EPHA7: variants seen among roughly 807,000 people sequenced by gnomAD.
EPHA7 encodes the protein EPH receptor A7, also known as ephrin type-A receptor 7.
EPHA7 carries 25 observed loss-of-function variants against 112.6 expected under a neutral mutation model. The ratio of observed to expected loss-of-function variants is 0.22; its 90% confidence interval spans 0.16 to 0.31. The LOEUF is 0.31. EPHA7 is among the 10% of genes least tolerant of loss of function. The pLI, the probability that EPHA7 is intolerant of heterozygous loss-of-function variation, is 1.00. For missense variants in EPHA7, 962 were observed against 1,212.6 expected (o/e 0.79, Z 3.07); for synonymous variants, 437 against 406.5 (o/e 1.07, Z -0.90).
chr6:93,324,048 G>C (rs1774198763), intron 5 of EPHA7, among the ~76,000 whole-genome samples: 1 of 151,444 alleles, frequency 6.6e-6, no homozygotes, highest in Non-Finnish European at 1.5e-5. Flanking sequence ...GGGGCAGACA[G>C]ACTCTTTTGA....
At chr6:93,334,515 A>C (rs1472207077) in intron 5 of EPHA7, among the ~76,000 whole-genome samples, 1 of 152,130 alleles carries the variant, frequency 6.6e-6, no homozygotes, top group Admixed American at 6.6e-5. Flanking sequence ...AATAGCCAGA[A>C]TCTATTAGGA....
chr6:93,254,632 G>T lies in EPHA7; in HGVS notation c.2532+15C>A. ...TGTATTCAATCCTTTTTGTTTAAAT[G>T]AATGTAACACCTACATCTTGATTTG... On this transcript the variant is annotated intron_variant, in intron 14 of 16. Transcript: ENST00000369303. 2 of 1,605,770 alleles carry T rather than the reference G, an allele frequency of 1.2e-6. No individual in the cohort carries two copies.
chr6:93,379,570 T>G (rs1777232641), intron 3 of EPHA7, among the ~76,000 whole-genome samples: 1 of 152,072 alleles, frequency 6.6e-6, no homozygotes, highest in South Asian at 2.1e-4. Flanking sequence ...GAAAAGTGAT[T>G]GTTTTGGAAA....
chr6:93,353,722 TTA>T (rs1390610141), intron 5 of EPHA7, among the ~76,000 whole-genome samples: 2 of 152,150 alleles, frequency 1.3e-5, no homozygotes, highest in Non-Finnish European at 2.9e-5. Context: ...AAGGTAGATA[TTA>T]TTTTATCCCC....
chr6:93,291,767 CAAA>C (rs66483422), intron 5 of EPHA7, among the ~76,000 whole-genome samples: 2 of 71,680 alleles, frequency 2.8e-5, no homozygotes, highest in South Asian at 7.1e-4. Context: ...GACTCCGTCT[CAAA>C]AAAAAAAAAA....
intron 5 of EPHA7, among the ~76,000 whole-genome samples, chr6:93,295,310 T>C (rs1026789012): frequency 6.6e-6 from 1 of 152,012 alleles, no homozygotes. Context: ...GCTATATTTT[T>C]AGTTAATATT....
chr6:93,243,555 T>G lies in EPHA7; in HGVS notation c.2883-15A>C. 1 of 1,574,738 alleles carries G rather than the reference T, an allele frequency of 6.4e-7. No individual in the cohort carries two copies. The highest frequency in any genetic ancestry group is 8.7e-7 in the Non-Finnish European group (1 of 1,144,472). Reference sequence around the variant, plus strand: ...TCATCACATCCCTGAAAAAGACAAATGCACTTTTTATTAGGTACCTTACAA... The same window carrying G: ...TCATCACATCCCTGAAAAAGACAAAGGCACTTTTTATTAGGTACCTTACAA... On this transcript the variant is annotated splice_polypyrimidine_tract_variant and intron_variant, in intron 16 of 16. Transcript: ENST00000369303.
intron 11 of EPHA7, 148 bp downstream of exon 11, chr6:93,257,951 G>A (rs1267381179): frequency 5.6e-6 from 4 of 717,210 alleles, no homozygotes. Flanking sequence ...TAACATAAAG[G>A]AAGAATTTTT....
intron 14 of EPHA7, among the ~76,000 whole-genome samples, chr6:93,249,344 T>C (rs1770104369): frequency 6.6e-6 from 1 of 152,120 alleles, no homozygotes; most frequent in Non-Finnish European, 1.5e-5. Context: ...ATTCCAGTAA[T>C]AGCACTGTAC....
intron 5 of EPHA7, among the ~76,000 whole-genome samples, chr6:93,278,604 T>C (rs1771579489): frequency 6.6e-6 from 1 of 152,056 alleles, no homozygotes; most frequent in Admixed American, 6.6e-5. Context: ...ATGCAAGGCA[T>C]TGTGGATTTT....
chr6:93,242,254 T>TTTTTG lies in EPHA7; in HGVS notation c.*1167_*1171dup, dbSNP rs199733455. On this transcript the variant is annotated 3_prime_UTR_variant, in exon 17 of 17. Transcript: ENST00000369303. ...GCATCAGTGTTCACAAACAAAAGAC[T>TTTTTG]TTTTGTTTTGTTTTGTTTTGAACTG... is the stretch of plus-strand genomic sequence containing the variant. 1.0e-5 allele frequency: 2 copies of TTTTTG among 200,450 alleles called. No individual in the cohort carries two copies. Among genetic ancestry groups the TTTTTG allele is most frequent in the African/African-American group, 4.6e-5 (2 of 43,532 alleles). The allele number at this position is 200,450 out of a possible 1,614,324, so 12.4% of individuals were successfully genotyped here.
chr6:93,302,134 T>C (rs914304786), intron 5 of EPHA7, among the ~76,000 whole-genome samples: 1 of 152,148 alleles, frequency 6.6e-6, no homozygotes, highest in Admixed American at 6.6e-5. Flanking sequence ...TAACTACTTC[T>C]TCACTTCCAT....
In EPHA7 at chr6:93,339,526, A is replaced by G. The variant is rs144984054; in HGVS notation, c.1324+17191T>C. On this transcript the variant is annotated intron_variant, in intron 5 of 16. Coordinates refer to ENST00000369303, the MANE Select transcript of EPHA7 (RefSeq NM_004440.4). ...ATATATTGCTTCATGTAATACTGAG[A>G]TTAACTAATAAGATAAAGAGATTGC... 2.1e-3 allele frequency among the ~76,000 whole-genome samples: 319 copies of G among 151,886 alleles called. 1 individual carries two copies. Among genetic ancestry groups the G allele is most frequent in the African/African-American group, 7.4e-3 (307 of 41,538 alleles).
intron 16 of EPHA7, among the ~76,000 whole-genome samples, chr6:93,244,108 AAATTT>A (rs1372366999): frequency 1.3e-5 from 2 of 152,178 alleles, no homozygotes; most frequent in African/African-American, 4.8e-5. Context: ...ATGTACATCT[AAATTT>A]AATAGCTTAA....
chr6:93,410,433 A>C lies in EPHA7; in HGVS notation c.832+68T>G. 7.2e-7 allele frequency: 1 copy of C among 1,395,882 alleles called. No individual in the cohort carries two copies. The highest frequency in any genetic ancestry group is 1.4e-5 in the African/African-American group (1 of 69,708). The allele number at this position is 1,395,882 out of a possible 1,614,324, so 86.5% of individuals were successfully genotyped here. The stretch of plus-strand genomic sequence containing the variant: ...GATTCACGTATTCAAATAACTATTA[A>C]AGTTTAAAATGTCTGATACTGAAAT... On this transcript the variant is annotated intron_variant, in intron 3 of 16. Coordinates refer to ENST00000369303, the MANE Select transcript of EPHA7 (RefSeq NM_004440.4). The surrounding 1 kb of genome is among the most constrained non-coding windows in gnomAD (Gnocchi z 4.0).
chr6:93,370,563 G>A (rs188182410), intron 3 of EPHA7, among the ~76,000 whole-genome samples: 12 of 151,946 alleles, frequency 7.9e-5, no homozygotes, highest in African/African-American at 2.9e-4. Context: ...AACAATTGTA[G>A]AGTAAGCAAA....
Position 93,272,378 on chromosome 6 carries a change from G to A in EPHA7, c.1369C>T (p.Arg457Trp), listed in dbSNP as rs1484017296. Residue 457 changes from arginine (R) to tryptophan (W), a missense_variant, in exon 6 of 17, where the codon CGG (arginine) becomes TGG (tryptophan). Physicochemically the swap from Arg to Trp is moderately radical, Grantham distance 101. Coordinates refer to ENST00000369303, the MANE Select transcript of EPHA7 (RefSeq NM_004440.4). ...SGVMKERVLQ[R>W]SVELSWQEPE... ...TCCTGCCAGGAAAGCTCGACACTCC[G>A]CTGCAGTACTCTCTCCTTCATTACT... is the stretch of plus-strand genomic sequence containing the variant. 2 of 1,612,020 alleles carry A rather than the reference G, an allele frequency of 1.2e-6. No homozygotes were observed. The highest frequency in any genetic ancestry group is 1.1e-5 in the South Asian group (1 of 91,048).
chr6:93,415,946 T>G (rs1488521567), intron 1 of EPHA7, among the ~76,000 whole-genome samples: 1 of 152,158 alleles, frequency 6.6e-6, no homozygotes, highest in Non-Finnish European at 1.5e-5. Context: ...AAGGAACAGT[T>G]GATTATGTGT....
intron 5 of EPHA7, among the ~76,000 whole-genome samples, chr6:93,344,262 A>T (rs1485017063): frequency 6.6e-6 from 1 of 151,602 alleles, no homozygotes; most frequent in Non-Finnish European, 1.5e-5. Context: ...ATCTTTGTAC[A>T]ATTAACATCT....
Sources: gnomAD v4.1 joint callset for allele counts (sites outside exome capture counted in the v4.1 genomes callset) on GRCh38, gnomAD v4.1.1 for gene constraint, Gnocchi (gnomAD v3.1) non-coding constraint, MANE v1.5 for transcripts, NCBI Gene and HGNC (gene_info 2026-07-23, HGNC 2026-07-21) for gene names.